SENP8: variants seen among roughly 807,000 people sequenced by gnomAD.
SENP8 encodes the protein sentrin-specific protease 8.
In SENP8, 10 loss-of-function variants were observed where a neutral mutation model predicts 14.4. That is an observed-to-expected ratio of 0.69 (90% CI 0.43 to 1.18). The LOEUF is 1.18. SENP8 is among the 50% of genes most tolerant of loss of function. SENP8 has a pLI of 0.00. For missense variants in SENP8, 202 were observed against 249.4 expected, an observed-to-expected ratio of 0.81 and a Z score of 1.28; for synonymous variants, 94 against 95.5, an observed-to-expected ratio of 0.98 and a Z score of 0.09.
chr15:72,136,632 C>T (rs2081329842), intron 1 of SENP8, among the ~76,000 whole-genome samples: 1 of 151,998 alleles, frequency 6.6e-6, no homozygotes, highest in African/African-American at 2.4e-5. Context: ...TAGGTTTTTG[C>T]AGCGTTTTGT....
At chr15:72,119,731 G>C (rs1269907132) in intron 1 of SENP8, among the ~76,000 whole-genome samples, 1 of 152,156 alleles carries the variant, frequency 6.6e-6, no homozygotes, top group Non-Finnish European at 1.5e-5. Flanking sequence ...CTGGGTGACA[G>C]AGCGAGACTC....
intron 1 of SENP8, among the ~76,000 whole-genome samples, chr15:72,120,183 A>G (rs1308618066): frequency 6.6e-6 from 1 of 152,248 alleles, no homozygotes; most frequent in Non-Finnish European, 1.5e-5. Flanking sequence ...TAAGTTAGTA[A>G]TGAGATATAA....
intron 1 of SENP8, among the ~76,000 whole-genome samples, chr15:72,127,003 C>T (rs193228119): frequency 8.9e-4 from 135 of 152,270 alleles, no homozygotes; most frequent in African/African-American, 3.2e-3. Flanking sequence ...GCTTTCACTT[C>T]CCAGACTCTA....
At chr15:72,136,952 G>A (rs2081333286) in intron 1 of SENP8, among the ~76,000 whole-genome samples, 1 of 152,104 alleles carries the variant, frequency 6.6e-6, no homozygotes, top group Admixed American at 6.5e-5. Context: ...GTCTCACTTT[G>A]GGTGGTCACA....
At chr15:72,135,961 G>C (rs1395017387) in intron 1 of SENP8, among the ~76,000 whole-genome samples, 1 of 152,164 alleles carries the variant, frequency 6.6e-6, no homozygotes, top group East Asian at 1.9e-4. Flanking sequence ...AGTATGCAGT[G>C]TTTATTGAAG....
rs1004421711 is a variant in SENP8, at chr15:72,140,097, A to G, written c.474A>G (p.Gln158=). ...TGGAAGAGAAAGCCCCTGCCCAACA[A>G]AACAGCTATGACTGTGGGATGTACG... ...AFVEEKAPAQ[Q]NSYDCGMYVI... The change falls in exon 2 of 2, where the codon CAA becomes CAG. Residue 158 remains glutamine, a synonymous_variant. Transcript: ENST00000340912. The G allele has an allele frequency of 4.3e-6, 7 of 1,614,146 alleles. No homozygotes were observed. The highest frequency in any genetic ancestry group is 5.9e-6 in the Non-Finnish European group (7 of 1,180,034).
chr15:72,139,891 A>G lies in SENP8; in HGVS notation c.268A>G (p.Ile90Val). Residue 90 changes from isoleucine to valine, a missense_variant, in exon 2 of 2, where the codon ATC (isoleucine) becomes GTC (valine). Ile to Val is a conservative substitution (Grantham distance 29). Coordinates refer to ENST00000340912, the MANE Select transcript of SENP8 (RefSeq NM_145204.4). Reference protein sequence around the residue: ...LPNKRVVFLAINDNSNQAAGG... With the variant: ...LPNKRVVFLAVNDNSNQAAGG... The stretch of plus-strand genomic sequence containing the variant: ...CAACAAGAGAGTTGTATTTTTAGCC[A>G]TCAATGATAACTCCAACCAGGCAGC... 6.2e-7 allele frequency: 1 copy of G among 1,614,226 alleles called. No individual in the cohort carries two copies. The highest frequency in any genetic ancestry group is 8.5e-7 in the Non-Finnish European group (1 of 1,180,034).
chr15:72,133,605 C>T (rs2081296836), intron 1 of SENP8, among the ~76,000 whole-genome samples: 2 of 152,212 alleles, frequency 1.3e-5, no homozygotes, highest in South Asian at 4.1e-4. Flanking sequence ...AATTCCCATA[C>T]ATTCTGTTTG....
chr15:72,132,727 C>T (rs1179556372), intron 1 of SENP8, among the ~76,000 whole-genome samples: 1 of 150,526 alleles, frequency 6.6e-6, no homozygotes, highest in Non-Finnish European at 1.5e-5. Context: ...GAGGTCTCGG[C>T]TCATTGCAAC....
intron 1 of SENP8, chr15:72,135,363 CA>C (rs2081317369): frequency 6.6e-6 from 1 of 151,386 alleles, no homozygotes; most frequent in South Asian, 2.1e-4. Flanking sequence ...TGCCCAGCCT[CA>C]GAGAAGCACA....
chr15:72,132,648 T>G (rs2140513849), intron 1 of SENP8, among the ~76,000 whole-genome samples: 1 of 150,112 alleles, frequency 6.7e-6, no homozygotes, highest in South Asian at 2.1e-4. Context: ...GACCATTTCA[T>G]AATTCTTTTT....
chr15:72,117,852 GCGCATCCCC>G (rs994319025), upstream of SENP8: 5 of 398,482 alleles, frequency 1.3e-5, no homozygotes, highest in African/African-American at 1.0e-4. Context: ...AGCGGCCGCG[GCGCATCCCC>G]CGCCCTGTCA....
chr15:72,134,919 G>T, intron 1 of SENP8: 1 of 299,152 alleles, frequency 3.3e-6, no homozygotes, highest in South Asian at 3.3e-5. Context: ...CATATTGAGT[G>T]CATTAAGCAC....
At chr15:72,135,075 T>A in intron 1 of SENP8, 1 of 280,410 alleles carries the variant, frequency 3.6e-6, no homozygotes, top group Non-Finnish European at 7.1e-6. Flanking sequence ...TTTTTGTTTG[T>A]TTTTGAGACA....
chr15:72,116,746 T>C (rs547239149), upstream of SENP8: 6 of 152,206 alleles, frequency 3.9e-5, no homozygotes, highest in African/African-American at 1.2e-4. Flanking sequence ...TATCCACTAG[T>C]GCAACGTGAT....
rs970452897 is a variant in SENP8, at chr15:72,119,337, G to T, written c.-48+873G>T. Among the ~76,000 whole-genome samples the T allele has an allele frequency of 3.3e-5, 5 of 152,188 alleles. No homozygotes were observed. In the East Asian group the frequency reaches 9.6e-4, roughly 29 times the overall value. ...CCCCACTCTAGACCAATTAAATTCT[G>T]GGTTGTGCCAGGTGTCATTACTGTT... On this transcript the variant is annotated intron_variant, in intron 1 of 1. Coordinates refer to ENST00000340912, the MANE Select transcript of SENP8 (RefSeq NM_145204.4).
upstream of SENP8, chr15:72,117,852 G>A (rs1317169490): frequency 5.0e-6 from 2 of 398,482 alleles, no homozygotes; most frequent in Non-Finnish European, 8.9e-6. Flanking sequence ...AGCGGCCGCG[G>A]CGCATCCCCC....
rs1224068057 is a variant in SENP8, at chr15:72,142,704, T to G, written c.*2442T>G. ...CAGTGGGTTTCCTATGTAATAGTGT[T>G]TAAAACACAAATATTTCAACCATTT... On this transcript the variant is annotated 3_prime_UTR_variant, in exon 2 of 2. Transcript: ENST00000340912. 1 of 152,212 alleles carries G rather than the reference T, an allele frequency of 6.6e-6. No individual in the cohort carries two copies. The highest frequency in any genetic ancestry group is 1.5e-5 in the Non-Finnish European group (1 of 68,040). The allele number at this position is 152,212 out of a possible 1,614,324, so 9.4% of individuals were successfully genotyped here.
At chr15:72,116,384 T>C (rs146417942), upstream of SENP8, among the ~76,000 whole-genome samples, 3 of 152,322 alleles carry the variant, frequency 2.0e-5, no homozygotes, top group African/African-American at 4.8e-5. Context: ...CAACATTACA[T>C]TTCTTTCTTG....
Sources: gnomAD v4.1 joint callset for allele counts (sites outside exome capture counted in the v4.1 genomes callset) on GRCh38, gnomAD v4.1.1 for gene constraint, MANE v1.5 for transcripts, NCBI Gene and HGNC (gene_info 2026-07-23, HGNC 2026-07-21) for gene names.